NAALADL2: variants seen among roughly 807,000 people sequenced by gnomAD.
The protein encoded by NAALADL2 is inactive N-acetylated-alpha-linked acidic dipeptidase-like protein 2.
In NAALADL2, 76 loss-of-function variants were observed where a neutral mutation model predicts 87.2. The ratio of observed to expected loss-of-function variants is 0.87; its 90% CI spans 0.72 to 1.05. NAALADL2 has a LOEUF of 1.05. Among genes scored for constraint, NAALADL2 ranks in the 50% least tolerant of loss-of-function variants. The pLI is 0.00. For missense variants in NAALADL2, 1,089 were observed against 945.8 expected (o/e 1.15, Z -1.99); for synonymous variants, 354 against 331.0 (o/e 1.07, Z -0.75).
chr3:174,504,929 T>C (rs1282387579), intron 1 of NAALADL2, among the ~76,000 whole-genome samples: 1 of 152,124 alleles, frequency 6.6e-6, no homozygotes, highest in Admixed American at 6.5e-5. Flanking sequence ...TACTATCTCA[T>C]GAAGGCATGA....
intron 1 of NAALADL2, among the ~76,000 whole-genome samples, chr3:175,033,304 G>A (rs758722475): frequency 9.2e-5 from 14 of 151,986 alleles, no homozygotes; most frequent in Admixed American, 2.6e-4. Flanking sequence ...TTCTCTGACC[G>A]TGCTACCTTG....
At chr3:175,356,976 C>A (rs1025607974) in intron 5 of NAALADL2, among the ~76,000 whole-genome samples, 1 of 152,024 alleles carries the variant, frequency 6.6e-6, no homozygotes, top group East Asian at 1.9e-4. Flanking sequence ...TAGCTCAGTT[C>A]CTTCTTGTTT....
chr3:174,648,773 T>C (rs2108750071), intron 2 of NAALADL2, among the ~76,000 whole-genome samples: 1 of 152,320 alleles, frequency 6.6e-6, no homozygotes, highest in African/African-American at 2.4e-5. Context: ...TCTTTGAAAA[T>C]ATGACTATAT....
intron 3 of NAALADL2, among the ~76,000 whole-genome samples, chr3:174,816,196 C>T (rs967287443): frequency 6.6e-6 from 1 of 151,884 alleles, no homozygotes; most frequent in Non-Finnish European, 1.5e-5. Flanking sequence ...CTCCTATCCT[C>T]TTCTTCATCG....
At chr3:175,327,968 A>G (rs1042145170) in intron 5 of NAALADL2, among the ~76,000 whole-genome samples, 1 of 152,212 alleles carries the variant, frequency 6.6e-6, no homozygotes, top group Non-Finnish European at 1.5e-5. Context: ...AATCAAAAGG[A>G]TGGATTAGGA....
intron 1 of NAALADL2, among the ~76,000 whole-genome samples, chr3:174,500,973 C>T (rs1718841489): frequency 6.6e-6 from 1 of 151,012 alleles, no homozygotes; most frequent in African/African-American, 2.5e-5. Context: ...TCTCGAGCCT[C>T]AGCCTTCCGA....
chr3:174,821,791 T>C (rs559148263), intron 3 of NAALADL2, among the ~76,000 whole-genome samples: 5 of 152,350 alleles, frequency 3.3e-5, no homozygotes, highest in African/African-American at 1.2e-4. Flanking sequence ...TAAACTAATT[T>C]ATTTATTTAT....
At chr3:174,481,084 A>G (rs1046631058) in intron 1 of NAALADL2, among the ~76,000 whole-genome samples, 1 of 152,116 alleles carries the variant, frequency 6.6e-6, no homozygotes, top group African/African-American at 2.4e-5. Flanking sequence ...AGATTGACTT[A>G]TCGCATAAAA....
rs190301468 is a variant in NAALADL2 at position 175,043,963 on chromosome 3, A to G, written c.44-52827A>G. Among the ~76,000 whole-genome samples the G allele has an allele frequency of 2.2e-4, 34 of 152,294 alleles. No individual in the cohort carries two copies. In the East Asian group the frequency reaches 4.2e-3, roughly 19 times the overall value. ...TTACTTTGAATCTATAAATTGCTTT[A>G]CATAATACAAATATTTGAAAATGTT... On this transcript the variant is annotated intron_variant, in intron 1 of 13. Coordinates refer to ENST00000454872, the MANE Select transcript of NAALADL2 (RefSeq NM_207015.3).
chr3:174,595,496 G>C (rs981763559), intron 2 of NAALADL2, among the ~76,000 whole-genome samples: 5 of 152,174 alleles, frequency 3.3e-5, no homozygotes, highest in African/African-American at 1.2e-4. Flanking sequence ...CATGCAACTT[G>C]AGGGGAGAAA....
intron 5 of NAALADL2, among the ~76,000 whole-genome samples, chr3:175,332,773 C>T (rs1761545782): frequency 6.6e-6 from 1 of 152,156 alleles, no homozygotes; most frequent in Non-Finnish European, 1.5e-5. Context: ...AATTTAACTC[C>T]AATGTTTGTT....
In NAALADL2 at chr3:175,258,324, C is replaced by CAAAAAA. The variant is rs1287997792; in HGVS notation, c.939+1808_939+1813dup. Among the ~76,000 whole-genome samples, 79 of 100,506 alleles carry CAAAAAA rather than the reference C, an allele frequency of 7.9e-4. 2 individuals carry two copies. Among genetic ancestry groups the CAAAAAA allele is most frequent in the South Asian group, 1.5e-3 (5 of 3,382 alleles). The allele number at this position is 100,506 out of a possible 152,430, so 65.9% of individuals were successfully genotyped here. ...GACTCCGTCCCTCCGCCCCCACCACCAAAAAAAAAAAAAAAAAAAGAAAGA... is the reference window on the plus strand; with the variant it reads ...GACTCCGTCCCTCCGCCCCCACCACCAAAAAAAAAAAAAAAAAAAAAAAAAGAAAGA... On this transcript the variant is annotated intron_variant, in intron 4 of 13. Coordinates refer to ENST00000454872, the MANE Select transcript of NAALADL2 (RefSeq NM_207015.3).
chr3:175,009,691 GATGAAGA>G (rs148926034), intron 1 of NAALADL2, among the ~76,000 whole-genome samples: 4,611 of 152,124 alleles, frequency 0.03, 212 homozygotes, highest in African/African-American at 0.1. Flanking sequence ...CTTGCTTCTA[GATGAAGA>G]CATTGGACCC....
At chr3:174,616,942 A>G (rs538318580) in intron 2 of NAALADL2, among the ~76,000 whole-genome samples, 2 of 151,958 alleles carry the variant, frequency 1.3e-5, no homozygotes, top group South Asian at 2.1e-4. Flanking sequence ...TATTGTTTTA[A>G]TAGTCATTAA....
intron 1 of NAALADL2, among the ~76,000 whole-genome samples, chr3:175,017,964 T>C (rs1018512071): frequency 1.3e-5 from 2 of 152,026 alleles, no homozygotes; most frequent in Admixed American, 6.6e-5. Flanking sequence ...GGCAAGCATA[T>C]GAAAGGTGGT....
At chr3:175,274,075 G>A (rs922977988) in intron 4 of NAALADL2, among the ~76,000 whole-genome samples, 8 of 151,984 alleles carry the variant, frequency 5.3e-5, no homozygotes, top group South Asian at 4.1e-4. Flanking sequence ...GAATAGGCTG[G>A]GTAATTTATT....
chr3:174,809,535 AT>A (rs1316503731), intron 3 of NAALADL2, among the ~76,000 whole-genome samples: 2 of 152,138 alleles, frequency 1.3e-5, no homozygotes, highest in Non-Finnish European at 2.9e-5. Flanking sequence ...GCTGCTAAGA[AT>A]TTGGGGGCAA....
At chr3:175,173,766 G>C (rs534414111) in intron 2 of NAALADL2, among the ~76,000 whole-genome samples, 10 of 152,312 alleles carry the variant, frequency 6.6e-5, no homozygotes, top group Non-Finnish European at 1.2e-4. Flanking sequence ...ATTAGTGAAA[G>C]TTGCATCCAT....
intron 1 of NAALADL2, among the ~76,000 whole-genome samples, chr3:174,894,454 C>T (rs887681143): frequency 8.6e-5 from 13 of 151,490 alleles, no homozygotes; most frequent in Non-Finnish European, 1.0e-4. Flanking sequence ...ATTAACTGGG[C>T]GTGGTGGTGC....
Sources: gnomAD v4.1 joint callset for allele counts (sites outside exome capture counted in the v4.1 genomes callset) on GRCh38, gnomAD v4.1.1 for gene constraint, MANE v1.5 for transcripts, NCBI Gene and HGNC (gene_info 2026-07-23, HGNC 2026-07-21) for gene names.